KCNMB2: variants seen among roughly 807,000 people sequenced by gnomAD.
KCNMB2 encodes the protein potassium calcium-activated channel subfamily M regulatory beta subunit 2, also known as calcium-activated potassium channel subunit beta-2.
In KCNMB2, 9 loss-of-function variants were observed where a neutral mutation model predicts 24.5. The ratio of observed to expected loss-of-function variants is 0.37; its 90% CI spans 0.22 to 0.64. The LOEUF is 0.64. Ranked by LOEUF, KCNMB2 falls within the 30% of genes least tolerant of loss-of-function variation. The pLI, the probability that KCNMB2 is intolerant of heterozygous loss-of-function variation, is 0.63. For synonymous variants in KCNMB2, 109 were observed against 104.4 expected, an observed-to-expected ratio of 1.04 and a Z score of -0.27; for missense variants, 226 against 284.3, an observed-to-expected ratio of 0.79 and a Z score of 1.47.
chr3:178,662,667 TGTGA>T (rs1209022917), intron 1 of KCNMB2, among the ~76,000 whole-genome samples: 4 of 152,132 alleles, frequency 2.6e-5, no homozygotes, highest in African/African-American at 4.8e-5. Flanking sequence ...ACAGAGGAAG[TGTGA>T]GTATGAAATA....
At position 178,810,728 on chromosome 3, in the gene KCNMB2, C is replaced by T. The variant is rs561004630; in HGVS notation, c.56+3263C>T. Among the ~76,000 whole-genome samples, 21 of 151,944 alleles carry T rather than the reference C, an allele frequency of 1.4e-4. 1 individual carries two copies. The South Asian group carries it at 4.4e-3, about 32-fold the overall frequency. On this transcript the variant is annotated intron_variant, in intron 2 of 4. Transcript: ENST00000452583. Reference sequence around the variant, plus strand: ...CTTTGTTAGTTGAACTTACTTTAATCCCTAAATTCCTTTTCATTTTTTTTG... The same window carrying T: ...CTTTGTTAGTTGAACTTACTTTAATTCCTAAATTCCTTTTCATTTTTTTTG...
At position 178,541,660 on chromosome 3, in the gene KCNMB2, T is replaced by A. The variant is rs567953603; in HGVS notation, c.-68+4949T>A. On this transcript the variant is annotated intron_variant, in intron 1 of 4. Coordinates refer to ENST00000452583, the MANE Select transcript of KCNMB2 (RefSeq NM_181361.3). ...TAGAATGTTTTATAGTGTCAAGAGG[T>A]AGTGTGATGTGAAAAGGATGCAGCA... 2.6e-5 allele frequency among the ~76,000 whole-genome samples: 4 copies of A among 152,236 alleles called. No individual in the cohort carries two copies. In the East Asian group the frequency reaches 7.7e-4, roughly 29 times the overall value.
chr3:178,764,808 T>C (rs149217195), intron 1 of KCNMB2, among the ~76,000 whole-genome samples: 1,795 of 152,220 alleles, frequency 0.012, 17 homozygotes, highest in Middle Eastern at 0.02. Flanking sequence ...CTAAACTTTG[T>C]CCAAAAATAA....
intron 1 of KCNMB2, chr3:178,747,060 C>G (rs2108384051): frequency 6.5e-6 from 1 of 152,718 alleles, no homozygotes; most frequent in Middle Eastern, 3.4e-3. Context: ...CTACTGATAC[C>G]AATTTACTGT....
intron 1 of KCNMB2, among the ~76,000 whole-genome samples, chr3:178,539,060 G>T (rs1055315487): frequency 6.6e-6 from 1 of 152,074 alleles, no homozygotes; most frequent in African/African-American, 2.4e-5. Context: ...CACAGCCATC[G>T]TATCAGTCAC....
intron 1 of KCNMB2, among the ~76,000 whole-genome samples, chr3:178,587,129 T>C (rs1252434737): frequency 6.6e-6 from 1 of 152,214 alleles, no homozygotes; most frequent in African/African-American, 2.4e-5. Flanking sequence ...GTTTGAACTC[T>C]ATTCTGCTCT....
chr3:178,545,549 C>T (rs976930464), intron 1 of KCNMB2, among the ~76,000 whole-genome samples: 5 of 152,184 alleles, frequency 3.3e-5, no homozygotes, highest in Admixed American at 6.5e-5. Context: ...AGAATCATTC[C>T]GGACATGCTG....
intron 1 of KCNMB2, among the ~76,000 whole-genome samples, chr3:178,565,662 G>A (rs1166349501): frequency 4.6e-5 from 7 of 152,140 alleles, no homozygotes; most frequent in Non-Finnish European, 8.8e-5. Flanking sequence ...CAGAAGACAT[G>A]GCTAGGTACA....
intron 1 of KCNMB2, among the ~76,000 whole-genome samples, chr3:178,568,347 A>G (rs1248893799): frequency 6.6e-6 from 1 of 152,194 alleles, no homozygotes; most frequent in Non-Finnish European, 1.5e-5. Context: ...CACCACTGTG[A>G]GTGTAACTAC....
intron 1 of KCNMB2, among the ~76,000 whole-genome samples, chr3:178,591,618 G>A (rs963461497): frequency 6.6e-6 from 1 of 152,130 alleles, no homozygotes; most frequent in African/African-American, 2.4e-5. Context: ...ATGCCATTGG[G>A]ACCTCCATTG....
intron 1 of KCNMB2, among the ~76,000 whole-genome samples, chr3:178,698,301 G>C (rs973288163): frequency 4.0e-5 from 6 of 151,826 alleles, no homozygotes; most frequent in Admixed American, 3.9e-4. Context: ...ATATTTTTTG[G>C]AGGTTTTCTT....
chr3:178,700,691 G>A lies in KCNMB2; in HGVS notation c.-67-106652G>A, dbSNP rs112051676. On this transcript the variant is annotated intron_variant, in intron 1 of 4. Coordinates refer to ENST00000452583, the MANE Select transcript of KCNMB2 (RefSeq NM_181361.3). Reference sequence around the variant, plus strand: ...AAGATATTTGCAACATATATTACTCGTGACATAGAAACAAGAGCTCATTAC... The same window carrying A: ...AAGATATTTGCAACATATATTACTCATGACATAGAAACAAGAGCTCATTAC... Among the ~76,000 whole-genome samples the A allele has an allele frequency of 1.7e-3, 262 of 152,108 alleles. 1 individual carries two copies. Among genetic ancestry groups the A allele is most frequent in the African/African-American group, 6.0e-3 (250 of 41,498 alleles).
intron 1 of KCNMB2, among the ~76,000 whole-genome samples, chr3:178,555,292 C>G (rs144276582): frequency 3.1e-4 from 47 of 152,340 alleles, no homozygotes; most frequent in Admixed American, 3.9e-4. Flanking sequence ...GTGCCGCCAG[C>G]TCCTGTTGTA....
chr3:178,580,712 A>C (rs528221677), intron 1 of KCNMB2, among the ~76,000 whole-genome samples: 1 of 152,344 alleles, frequency 6.6e-6, no homozygotes, highest in South Asian at 2.1e-4. Flanking sequence ...AAGCATTTCT[A>C]TACGCCAATA....
chr3:178,820,718 C>T (rs1051470939), intron 2 of KCNMB2: 3 of 152,536 alleles, frequency 2.0e-5, no homozygotes, highest in Non-Finnish European at 4.4e-5. Context: ...TTGACTAATG[C>T]TTGGCGTAAA....
chr3:178,757,269 T>A (rs1490727427), intron 1 of KCNMB2: 2 of 138,028 alleles, frequency 1.4e-5, no homozygotes, highest in Non-Finnish European at 3.1e-5. Flanking sequence ...CACGTGTGTG[T>A]GTGTATACAT....
At chr3:178,806,924 GA>G (rs1009780350) in intron 1 of KCNMB2, among the ~76,000 whole-genome samples, 2 of 151,878 alleles carry the variant, frequency 1.3e-5, no homozygotes, top group African/African-American at 4.8e-5. Flanking sequence ...GCATTTTAAA[GA>G]AAAAAACAGA....
chr3:178,602,875 C>T (rs1164460123), intron 1 of KCNMB2, among the ~76,000 whole-genome samples: 2 of 152,250 alleles, frequency 1.3e-5, no homozygotes, highest in Non-Finnish European at 1.5e-5. Context: ...TCCCAGATGA[C>T]ACAGATGCAG....
chr3:178,752,445 G>A (rs939619228), intron 1 of KCNMB2, among the ~76,000 whole-genome samples: 1 of 152,200 alleles, frequency 6.6e-6, no homozygotes, highest in Non-Finnish European at 1.5e-5. Flanking sequence ...AATTAATAAG[G>A]AAGTATAATG....
Sources: gnomAD v4.1 joint callset for allele counts (sites outside exome capture counted in the v4.1 genomes callset) on GRCh38, gnomAD v4.1.1 for gene constraint, MANE v1.5 for transcripts, NCBI Gene and HGNC (gene_info 2026-07-23, HGNC 2026-07-21) for gene names.